The following OIT3 variants were observed in gnomAD, a reference collection of about 807,000 sequenced individuals.
The protein encoded by OIT3 is oncoprotein induced transcript 3, also known as oncoprotein-induced transcript 3 protein.
A neutral mutation model predicts 52.2 loss-of-function variants in OIT3; 41 were observed. The ratio of observed to expected loss-of-function variants is 0.79; its 90% CI spans 0.61 to 1.02. The LOEUF is 1.02. Ranked by LOEUF, OIT3 falls within the 50% of genes least tolerant of loss-of-function variation. The pLI is 0.00. For synonymous variants in OIT3, 244 were observed against 276.9 expected (o/e 0.88, Z 1.18); for missense variants, 634 against 715.5 (o/e 0.89, Z 1.30).
At chr10:72,904,326 G>A (rs964939059) in intron 3 of OIT3, among the ~76,000 whole-genome samples, 2 of 152,034 alleles carry the variant, frequency 1.3e-5, no homozygotes, top group African/African-American at 2.4e-5. Context: ...TCTTTAACTC[G>A]CTGTCTGAGG....
chr10:72,915,121 C>G (rs188348622), intron 6 of OIT3, among the ~76,000 whole-genome samples: 1 of 152,270 alleles, frequency 6.6e-6, no homozygotes, highest in Non-Finnish European at 1.5e-5. Flanking sequence ...CGGCCTCAGA[C>G]CCCCAAAGTG....
At chr10:72,897,582 CAT>C (rs1440109735) in intron 1 of OIT3, among the ~76,000 whole-genome samples, 4 of 152,186 alleles carry the variant, frequency 2.6e-5, no homozygotes, top group Admixed American at 6.5e-5. Context: ...AAGTAGGTGA[CAT>C]GTGCCCGAGG....
intron 4 of OIT3, among the ~76,000 whole-genome samples, chr10:72,906,948 C>T (rs1845986020): frequency 1.3e-5 from 2 of 152,146 alleles, no homozygotes; most frequent in Admixed American, 1.3e-4. Context: ...AGGCAGAAAG[C>T]CACATTTTTA....
intron 1 of OIT3, among the ~76,000 whole-genome samples, chr10:72,897,616 G>A (rs539404929): frequency 6.6e-6 from 1 of 152,286 alleles, no homozygotes; most frequent in East Asian, 1.9e-4. Flanking sequence ...TCAGTGGAAT[G>A]AGCTTTTACA....
chr10:72,922,870 GT>G (rs71482535), intron 6 of OIT3, among the ~76,000 whole-genome samples: 1 of 151,780 alleles, frequency 6.6e-6, no homozygotes, highest in Non-Finnish European at 1.5e-5. Context: ...GGTTTTGGGG[GT>G]TTTTTTCTCC....
At chr10:72,923,070 G>T (rs1189582295) in intron 6 of OIT3, among the ~76,000 whole-genome samples, 1 of 152,076 alleles carries the variant, frequency 6.6e-6, no homozygotes, top group African/African-American at 2.4e-5. Context: ...GTAGAGATGG[G>T]GTTTCACCAT....
chr10:72,927,605 C>T lies in OIT3; in HGVS notation c.1368-2933C>T, dbSNP rs558444542. On this transcript the variant is annotated intron_variant, in intron 7 of 8. Transcript: ENST00000334011. ...CCTACTTTGTAAGCAGACAAATCAT[C>T]CCGTCTGTGGTGCTGTACAAGAATG... is the stretch of plus-strand genomic sequence containing the variant. Among the ~76,000 whole-genome samples the T allele has an allele frequency of 4.6e-5, 7 of 152,286 alleles. No individual in the cohort carries two copies. In the South Asian group the frequency reaches 1.5e-3, roughly 32 times the overall value.
chr10:72,899,838 A>T (rs1381186267), intron 2 of OIT3, among the ~76,000 whole-genome samples: 1 of 152,162 alleles, frequency 6.6e-6, no homozygotes, highest in Non-Finnish European at 1.5e-5. Flanking sequence ...TACAATGGGA[A>T]GAAGCTACTT....
chr10:72,898,864 C>G lies in OIT3; in HGVS notation c.262C>G (p.Leu88Val), dbSNP rs757795414. The stretch of plus-strand genomic sequence containing the variant: ...CTGTGGAACCCACGCACCTGTCTGG[C>G]TCAATGGCAGCCACCCCCTAGAAGG... ...NHCGTHAPVW[L>V]NGSHPLEGDG... Residue 88 changes from leucine (L) to valine (V), a missense_variant, in exon 2 of 9, where the codon CTC (leucine) becomes GTC (valine). By Grantham distance (32) the Leu-to-Val change is conservative (BLOSUM62 1). Transcript: ENST00000334011. The G allele has an allele frequency of 2.5e-6, 4 of 1,614,056 alleles. No individual in the cohort carries two copies. Among genetic ancestry groups the G allele is most frequent in the Non-Finnish European group, 3.4e-6 (4 of 1,180,024 alleles).
chr10:72,916,242 G>C (rs867924128), intron 6 of OIT3, among the ~76,000 whole-genome samples: 1 of 152,014 alleles, frequency 6.6e-6, no homozygotes, highest in Non-Finnish European at 1.5e-5. Context: ...TGTGTCATGG[G>C]GGTTGGTTAT....
chr10:72,900,509 T>A (rs1845923076), intron 3 of OIT3, 25 bp downstream of exon 3: 1 of 1,307,592 alleles, frequency 7.6e-7, no homozygotes, highest in African/African-American at 1.5e-5. Context: ...AAAGGTAGAA[T>A]CAGGCTATTA....
intron 4 of OIT3, among the ~76,000 whole-genome samples, chr10:72,908,114 G>A (rs1472029728): frequency 2.6e-5 from 4 of 152,012 alleles, no homozygotes; most frequent in Non-Finnish European, 1.5e-5. Flanking sequence ...GTGGTGGCGG[G>A]CGCCTGTAAT....
At chr10:72,911,881 A>G (rs1846031782) in intron 5 of OIT3, 42 bp downstream of exon 5, 2 of 1,559,540 alleles carry the variant, frequency 1.3e-6, no homozygotes, top group Non-Finnish European at 1.7e-6. Flanking sequence ...CTCTGATTAC[A>G]CTTCTTCCTC....
chr10:72,917,366 C>T (rs1846082089), intron 6 of OIT3, among the ~76,000 whole-genome samples: 1 of 151,678 alleles, frequency 6.6e-6, no homozygotes, highest in Non-Finnish European at 1.5e-5. Context: ...TTTTTGTCTC[C>T]CCATCGTTTC....
intron 4 of OIT3, among the ~76,000 whole-genome samples, chr10:72,910,983 C>A (rs1047613104): frequency 6.6e-6 from 1 of 151,894 alleles, no homozygotes; most frequent in African/African-American, 2.4e-5. Flanking sequence ...CCACAAAGGT[C>A]ATTTTTTTTT....
intron 6 of OIT3, among the ~76,000 whole-genome samples, chr10:72,923,845 A>C (rs911255276): frequency 6.6e-5 from 10 of 152,064 alleles, no homozygotes; most frequent in African/African-American, 2.4e-4. Context: ...GAGTTGTCCA[A>C]ACAACTGTCC....
intron 4 of OIT3, 114 bp from the exon 5 acceptor site, chr10:72,911,603 G>A: frequency 9.2e-7 from 1 of 1,085,848 alleles, no homozygotes; most frequent in Non-Finnish European, 1.3e-6. Flanking sequence ...CAGTCACTAG[G>A]TTAGGCACCA....
At chr10:72,896,411 A>G (rs777206017) in intron 1 of OIT3, among the ~76,000 whole-genome samples, 45 of 152,218 alleles carry the variant, frequency 3.0e-4, no homozygotes, top group Non-Finnish European at 6.0e-4. Flanking sequence ...GAATCTGAGG[A>G]TATTTCTTCC....
chr10:72,900,605 T>C, intron 3 of OIT3, 121 bp downstream of exon 3: 1 of 625,808 alleles, frequency 1.6e-6, no homozygotes, highest in Non-Finnish European at 2.9e-6. Context: ...TGGAATGGTG[T>C]TTGCTTTTTA....
Sources: gnomAD v4.1 joint callset for allele counts (sites outside exome capture counted in the v4.1 genomes callset) on GRCh38, gnomAD v4.1.1 for gene constraint, MANE v1.5 for transcripts, NCBI Gene and HGNC (gene_info 2026-07-23, HGNC 2026-07-21) for gene names.